Variants in UQCR11 observed in about 807,000 individuals in gnomAD.
UQCR11 encodes the protein cytochrome b-c1 complex subunit 10.
Under a neutral mutation model 7.6 loss-of-function variants are expected in UQCR11, and 10 were observed. The observed-to-expected ratio is 1.31, with a 90% CI of 0.81 to 2.22. UQCR11 has a LOEUF of 2.22. Ranked by LOEUF, UQCR11 falls within the 30% of genes most tolerant of loss-of-function variation. The pLI, the probability that UQCR11 is intolerant of heterozygous loss-of-function variation, is 0.00. For missense variants in UQCR11, 86 were observed against 75.1 expected, an observed-to-expected ratio of 1.15 and a Z score of -0.54; for synonymous variants, 34 against 34.9, an observed-to-expected ratio of 0.97 and a Z score of 0.09.
intron 1 of UQCR11, 93 bp downstream of exon 1, chr19:1,605,267 C>T: frequency 7.2e-7 from 1 of 1,396,950 alleles, no homozygotes. Flanking sequence ...CGGCCCGGCC[C>T]GGCCCCCGGA....
chr19:1,602,843 AC>A (rs1445583156), intron 1 of UQCR11, among the ~76,000 whole-genome samples: 2 of 152,130 alleles, frequency 1.3e-5, no homozygotes, highest in Non-Finnish European at 2.9e-5. Flanking sequence ...CCCATGTAGG[AC>A]CCTGTGGATT....
In UQCR11 at chr19:1,599,505, T is replaced by C. The variant is rs1315118952; in HGVS notation, c.106A>G (p.Thr36Ala). 1.9e-6 allele frequency: 3 copies of C among 1,613,476 alleles called. No individual in the cohort carries two copies. Among genetic ancestry groups the C allele is most frequent in the Admixed American group, 1.7e-5 (1 of 60,012 alleles). The change falls in exon 2 of 3, where the codon ACC becomes GCC. Residue 36 changes from threonine to alanine, a missense_variant. Thr to Ala is a moderately conservative substitution (Grantham distance 58). Transcript: ENST00000591899. ...CAGTCCAGGATCAGCCGCCAATCGG[T>C]GGCCCACACCAGCCCCACGGCGCCC... The part of the protein sequence containing the change: ...AVGAVGLVWA[T>A]DWRLILDWVP...
chr19:1,598,648 G>T (rs1393107734), intron 2 of UQCR11, among the ~76,000 whole-genome samples: 1 of 152,198 alleles, frequency 6.6e-6, no homozygotes. Flanking sequence ...AAGGCAGAGG[G>T]TGCAGTGAGC....
intron 2 of UQCR11, 170 bp downstream of exon 2, chr19:1,599,242 C>T (rs759537921): frequency 2.2e-5 from 18 of 819,748 alleles, no homozygotes; most frequent in African/African-American, 5.2e-5. Flanking sequence ...GTTCTGTGCC[C>T]GTGGGCCGGA....
chr19:1,604,587 G>A (rs1299069490), intron 1 of UQCR11, among the ~76,000 whole-genome samples: 1 of 151,898 alleles, frequency 6.6e-6, no homozygotes, highest in African/African-American at 2.4e-5. Context: ...GAGTGCAATG[G>A]CGCAATCTCA....
intron 1 of UQCR11, among the ~76,000 whole-genome samples, chr19:1,603,554 C>A (rs1173453197): frequency 1.3e-5 from 2 of 152,106 alleles, no homozygotes; most frequent in Admixed American, 1.3e-4. Context: ...TTGCAGTGAG[C>A]CGAGATTGCG....
intron 2 of UQCR11, 155 bp downstream of exon 2, chr19:1,599,257 C>A (rs1185577768): frequency 9.9e-7 from 1 of 1,013,350 alleles, no homozygotes; most frequent in Non-Finnish European, 1.4e-6. Flanking sequence ...GCCGGAGATG[C>A]CAGAAGGGGC....
At chr19:1,598,354 G>A (rs988672383) in intron 2 of UQCR11, 139 bp from the exon 3 acceptor site, 2 of 152,384 alleles carry the variant, frequency 1.3e-5, no homozygotes, top group Admixed American at 1.3e-4. Context: ...AGACCAGCTT[G>A]ATTAACATGG....
At chr19:1,604,509 C>CT (rs1425523420) in intron 1 of UQCR11, among the ~76,000 whole-genome samples, 1 of 152,126 alleles carries the variant, frequency 6.6e-6, no homozygotes, top group Non-Finnish European at 1.5e-5. Flanking sequence ...CTGCACCCGG[C>CT]TAAGACCTTG....
chr19:1,599,243 G>A (rs950948219), intron 2 of UQCR11, 169 bp downstream of exon 2: 7 of 828,022 alleles, frequency 8.5e-6, no homozygotes, highest in East Asian at 2.8e-5. Flanking sequence ...TTCTGTGCCC[G>A]TGGGCCGGAG....
intron 1 of UQCR11, chr19:1,602,308 G>A (rs1214756627): frequency 6.6e-6 from 1 of 152,200 alleles, no homozygotes; most frequent in Non-Finnish European, 1.5e-5. Context: ...GACTCTCCAA[G>A]TGTAGGCCAG....
At position 1,599,392 on chromosome 19, in the gene UQCR11, C is replaced by A. The variant is rs759175910; in HGVS notation, c.*28+20G>T. 3 of 1,608,528 alleles carry A rather than the reference C, an allele frequency of 1.9e-6. No individual in the cohort carries two copies. Among genetic ancestry groups the A allele is most frequent in the Non-Finnish European group, 2.5e-6 (3 of 1,177,780 alleles). Reference sequence around the variant, plus strand: ...TCCGGCCATCATGCAGTCCACCCACCGCAGCCCACTGAAACTTACCAGAGC... The same window carrying A: ...TCCGGCCATCATGCAGTCCACCCACAGCAGCCCACTGAAACTTACCAGAGC... On this transcript the variant is annotated intron_variant, in intron 2 of 2. Coordinates refer to ENST00000591899, the MANE Select transcript of UQCR11 (RefSeq NM_006830.4).
intron 2 of UQCR11, among the ~76,000 whole-genome samples, chr19:1,598,490 G>A (rs1355134209): frequency 2.0e-5 from 3 of 151,768 alleles, no homozygotes; most frequent in East Asian, 1.9e-4. Flanking sequence ...GTTGCAGTGC[G>A]CCAAGATCGC....
chr19:1,604,037 C>T (rs1308992277), intron 1 of UQCR11, among the ~76,000 whole-genome samples: 2 of 152,220 alleles, frequency 1.3e-5, no homozygotes, highest in Admixed American at 1.3e-4. Flanking sequence ...CCTCCACCTC[C>T]CGGGTTTGAG....
chr19:1,601,387 G>A (rs1405715152), intron 1 of UQCR11, among the ~76,000 whole-genome samples: 1 of 152,148 alleles, frequency 6.6e-6, no homozygotes, highest in African/African-American at 2.4e-5. Context: ...CGGATCATGA[G>A]GTCAGGAGAT....
chr19:1,601,074 C>T (rs541945458), intron 1 of UQCR11, among the ~76,000 whole-genome samples: 29 of 151,362 alleles, frequency 1.9e-4, no homozygotes, highest in Non-Finnish European at 2.8e-4. Flanking sequence ...GAGGCTGAGG[C>T]GGGAGAATGG....
At chr19:1,605,121 G>A (rs982095695) in intron 1 of UQCR11, among the ~76,000 whole-genome samples, 20 of 152,248 alleles carry the variant, frequency 1.3e-4, no homozygotes, top group Non-Finnish European at 2.4e-4. Context: ...GAGGCTTGGA[G>A]CGGCCTAGCC....
intron 1 of UQCR11, among the ~76,000 whole-genome samples, chr19:1,601,649 G>C (rs1034015047): frequency 6.7e-6 from 1 of 150,322 alleles, no homozygotes. Flanking sequence ...CAACAACCCC[G>C]TGAGTGATCG....
At chr19:1,599,097 A>G (rs760762611) in intron 2 of UQCR11, 1 of 283,638 alleles carries the variant, frequency 3.5e-6, no homozygotes, top group Non-Finnish European at 6.9e-6. Context: ...TGTCTGTAAC[A>G]TGGGCCCCAC....
Sources: allele counts gnomAD v4.1 joint callset (sites outside exome capture counted in the v4.1 genomes callset), GRCh38; gene constraint gnomAD v4.1.1; transcripts MANE v1.5; gene names NCBI Gene and HGNC (gene_info 2026-07-23, HGNC 2026-07-21).